The following WDR7 variants were observed in gnomAD, a reference collection of about 807,000 sequenced individuals.
The protein encoded by WDR7 is WD repeat-containing protein 7.
WDR7 carries 46 observed loss-of-function variants against 169.4 expected under a neutral mutation model. That is an observed-to-expected ratio of 0.27 (90% CI 0.21 to 0.35). The LOEUF is 0.35. Among genes scored for constraint, WDR7 ranks in the 10% least tolerant of loss-of-function variants. The pLI is 1.00. For missense variants in WDR7, 1,534 were observed against 1,859.3 expected (o/e 0.83, Z 3.22); for synonymous variants, 612 against 666.8 (o/e 0.92, Z 1.27).
chr18:57,004,030 T>C (rs552498121), intron 26 of WDR7, among the ~76,000 whole-genome samples: 1 of 152,038 alleles, frequency 6.6e-6, no homozygotes, highest in African/African-American at 2.4e-5. Flanking sequence ...TATGTGTGTG[T>C]GCGCGCACAC....
chr18:56,761,763 T>A (rs1438977158), intron 16 of WDR7, among the ~76,000 whole-genome samples: 9 of 151,954 alleles, frequency 5.9e-5, no homozygotes, highest in African/African-American at 2.2e-4. Flanking sequence ...AAAATTTTTC[T>A]TAACTGGTAA....
intron 22 of WDR7, among the ~76,000 whole-genome samples, chr18:56,933,278 C>T (rs2046915870): frequency 6.6e-6 from 1 of 152,160 alleles, no homozygotes; most frequent in African/African-American, 2.4e-5. Context: ...CACTACCACA[C>T]ATATTTATGT....
chr18:56,850,996 G>C (rs566887429), intron 20 of WDR7, among the ~76,000 whole-genome samples: 4 of 152,098 alleles, frequency 2.6e-5, no homozygotes, highest in Admixed American at 1.3e-4. Context: ...TTAAATTTCT[G>C]CTCTCCATTC....
At chr18:56,935,502 A>G (rs1599171533) in intron 22 of WDR7, among the ~76,000 whole-genome samples, 1 of 152,190 alleles carries the variant, frequency 6.6e-6, no homozygotes, top group African/African-American at 2.4e-5. Flanking sequence ...GAGCTTTGTG[A>G]TATGTATTCA....
intron 12 of WDR7, among the ~76,000 whole-genome samples, chr18:56,712,584 T>C (rs1446473806): frequency 6.6e-6 from 1 of 152,230 alleles, no homozygotes; most frequent in Non-Finnish European, 1.5e-5. Context: ...TTACTTTTAA[T>C]TGGCATTTGA....
chr18:57,008,697 T>C (rs1568311520), intron 26 of WDR7, among the ~76,000 whole-genome samples: 1 of 152,216 alleles, frequency 6.6e-6, no homozygotes, highest in Non-Finnish European at 1.5e-5. Flanking sequence ...GAAACTACTG[T>C]CTCCTCGTCT....
chr18:56,761,349 G>T (rs2043978314), intron 16 of WDR7, among the ~76,000 whole-genome samples: 1 of 152,140 alleles, frequency 6.6e-6, no homozygotes, highest in African/African-American at 2.4e-5. Context: ...TTTCTGGGCT[G>T]TTTGATTCCA....
intron 20 of WDR7, among the ~76,000 whole-genome samples, chr18:56,870,460 G>C (rs1217606887): frequency 6.6e-6 from 1 of 152,042 alleles, no homozygotes; most frequent in Non-Finnish European, 1.5e-5. Context: ...TGTAGTTCTA[G>C]CTTGCTTAGG....
intron 7 of WDR7, among the ~76,000 whole-genome samples, chr18:56,687,260 C>T (rs1227811395): frequency 6.6e-6 from 1 of 152,134 alleles, no homozygotes; most frequent in South Asian, 2.1e-4. Context: ...ACAATATAAG[C>T]AGTAGTAGGG....
intron 20 of WDR7, among the ~76,000 whole-genome samples, chr18:56,861,139 A>C (rs2045798860): frequency 6.6e-6 from 1 of 152,020 alleles, no homozygotes; most frequent in African/African-American, 2.4e-5. Context: ...TCTTTTTCTA[A>C]TCCTTGATGG....
At chr18:56,805,032 A>G (rs1331398577) in intron 19 of WDR7, among the ~76,000 whole-genome samples, 2 of 152,240 alleles carry the variant, frequency 1.3e-5, no homozygotes, top group African/African-American at 4.8e-5. Flanking sequence ...GTTTCTGCCA[A>G]CACTGAGGGC....
chr18:56,808,807 T>A (rs1011375553), intron 19 of WDR7, among the ~76,000 whole-genome samples: 1 of 152,148 alleles, frequency 6.6e-6, no homozygotes, highest in African/African-American at 2.4e-5. Flanking sequence ...GTAGTTTAAT[T>A]CCATTGATTT....
At chr18:57,024,143 C>T (rs79991787) in intron 27 of WDR7, among the ~76,000 whole-genome samples, 5,670 of 151,972 alleles carry the variant, frequency 0.037, 128 homozygotes, top group Non-Finnish European at 0.053. Flanking sequence ...TTTTGCTTTC[C>T]TTTTTGTACT....
intron 26 of WDR7, among the ~76,000 whole-genome samples, chr18:56,981,673 C>A (rs1398306873): frequency 6.6e-6 from 1 of 152,020 alleles, no homozygotes; most frequent in East Asian, 1.9e-4. Context: ...GCCAAAAGGT[C>A]AAGTAAGATA....
chr18:56,962,099 A>G (rs1251888667), intron 25 of WDR7, among the ~76,000 whole-genome samples: 1 of 152,010 alleles, frequency 6.6e-6, no homozygotes, highest in Non-Finnish European at 1.5e-5. Context: ...CCGTAGCAAA[A>G]TTGGATTTTC....
chr18:56,755,568 G>A (rs1303454020), intron 14 of WDR7, among the ~76,000 whole-genome samples: 1 of 152,224 alleles, frequency 6.6e-6, no homozygotes, highest in Non-Finnish European at 1.5e-5. Context: ...AGGAGGTTTA[G>A]TGAGGGGTGG....
chr18:56,958,718 G>A (rs1463636747), intron 25 of WDR7, among the ~76,000 whole-genome samples: 2 of 152,080 alleles, frequency 1.3e-5, no homozygotes, highest in Non-Finnish European at 2.9e-5. Context: ...GAAGGGTCAT[G>A]GGAGAGCCCA....
chr18:56,972,904 C>T (rs960723981), intron 26 of WDR7, among the ~76,000 whole-genome samples: 1 of 152,118 alleles, frequency 6.6e-6, no homozygotes, highest in Non-Finnish European at 1.5e-5. Context: ...CACTCTGTCA[C>T]CCAGGCTGGA....
chr18:56,922,272 T>C (rs1388465111), intron 21 of WDR7, among the ~76,000 whole-genome samples: 1 of 152,118 alleles, frequency 6.6e-6, no homozygotes. Context: ...ATGTGTGCAC[T>C]GTGGTTGGTG....
Sources: gnomAD v4.1 joint callset for allele counts (sites outside exome capture counted in the v4.1 genomes callset) on GRCh38, gnomAD v4.1.1 for gene constraint, MANE v1.5 for transcripts, NCBI Gene and HGNC (gene_info 2026-07-23, HGNC 2026-07-21) for gene names.